The following TBCK variants were observed in gnomAD, a reference collection of about 807,000 sequenced individuals.
TBCK encodes TBC1 domain containing kinase, also known as TBC domain-containing protein kinase-like protein.
In TBCK, 99 loss-of-function variants were observed where a neutral mutation model predicts 113.4. That is an observed-to-expected ratio of 0.87 (90% CI 0.74 to 1.03). The LOEUF (loss-of-function observed/expected upper bound fraction) is 1.03. TBCK is among the 50% of genes least tolerant of loss of function. The pLI is 0.00. For missense variants in TBCK, 1,045 were observed against 1,061.3 expected (o/e 0.98, Z 0.21); for synonymous variants, 369 against 370.8 (o/e 1.00, Z 0.05).
At chr4:106,133,977 T>C (rs1473611038) in intron 23 of TBCK, among the ~76,000 whole-genome samples, 1 of 151,570 alleles carries the variant, frequency 6.6e-6, no homozygotes, top group Non-Finnish European at 1.5e-5. Flanking sequence ...GCCACTGCAC[T>C]CCAGCCTGGG....
At chr4:106,191,024 G>A (rs1753607897) in intron 22 of TBCK, among the ~76,000 whole-genome samples, 1 of 152,184 alleles carries the variant, frequency 6.6e-6, no homozygotes, top group Non-Finnish European at 1.5e-5. Flanking sequence ...TATGGGTTCT[G>A]CATCCATGGA....
intron 2 of TBCK, among the ~76,000 whole-genome samples, chr4:106,307,244 T>C (rs1767620518): frequency 6.6e-6 from 1 of 152,224 alleles, no homozygotes; most frequent in South Asian, 2.1e-4. Flanking sequence ...ATGAATTAAT[T>C]GTGAACCTTG....
chr4:106,059,412 T>C (rs1303677010), intron 25 of TBCK, among the ~76,000 whole-genome samples: 1 of 151,738 alleles, frequency 6.6e-6, no homozygotes, highest in African/African-American at 2.4e-5. Context: ...TAAGTTCCAT[T>C]CTAGTAATTA....
rs147238005 is a variant in TBCK at position 106,222,174 on chromosome 4, A to G, written c.1774+8189T>C. On this transcript the variant is annotated intron_variant, in intron 19 of 25. Transcript: ENST00000394708. ...TATTACAGTATAAAATCTATCTAAT[A>G]TAAATTTTCTTCATTTTATATTTGT... 4.6e-5 allele frequency among the ~76,000 whole-genome samples: 7 copies of G among 152,092 alleles called. 1 individual carries two copies. Among genetic ancestry groups the G allele is most frequent in the South Asian group, 4.1e-4 (2 of 4,832 alleles).
rs2149814129 is a variant in TBCK at position 106,193,723 on chromosome 4, G to A, written c.1945C>T (p.Leu649Phe). 1 of 1,608,476 alleles carries A rather than the reference G, an allele frequency of 6.2e-7. No individual in the cohort carries two copies. Among genetic ancestry groups the A allele is most frequent in the African/African-American group, 1.3e-5 (1 of 74,682 alleles). ...KIFHLWDTLL[L>F]GNSSFPFCIG... ...CAGAATGGGAAAGAGGAATTCCCAA[G>A]TAGTAAGGTATCCCAGAGGTGGAAA... Residue 649 changes from leucine (L) to phenylalanine (F), a missense_variant, in exon 22 of 26, where the codon CTT becomes TTT. Coordinates refer to ENST00000394708, the MANE Select transcript of TBCK (RefSeq NM_001163435.3).
intron 20 of TBCK, 40 bp from the exon 21 acceptor site, chr4:106,194,794 G>T (rs762814122): frequency 6.7e-7 from 1 of 1,503,372 alleles, no homozygotes; most frequent in Non-Finnish European, 9.0e-7. Context: ...GGATAAAAAG[G>T]AAATAAAAAA....
At chr4:106,115,791 T>C (rs918952277) in intron 24 of TBCK, among the ~76,000 whole-genome samples, 5 of 152,238 alleles carry the variant, frequency 3.3e-5, no homozygotes, top group African/African-American at 1.2e-4. Context: ...AGCCAGTGTT[T>C]TGAAAATTAT....
At position 106,124,952 on chromosome 4, in the gene TBCK, G is replaced by A. The variant is rs1040242804; in HGVS notation, c.2236-8574C>T. Among the ~76,000 whole-genome samples, 5 of 148,682 alleles carry A rather than the reference G, an allele frequency of 3.4e-5. No homozygotes were observed. The Admixed American group carries it at 3.4e-4, about 10-fold the overall frequency. On this transcript the variant is annotated intron_variant, in intron 23 of 25. Transcript: ENST00000394708. ...ACCAGCATGGCACATGTATACATAT[G>A]TAACTAACCTGCACAATGTGCACAT... is the stretch of plus-strand genomic sequence containing the variant.
intron 24 of TBCK, among the ~76,000 whole-genome samples, chr4:106,108,053 CAGAA>C (rs1488393477): frequency 6.6e-6 from 1 of 151,958 alleles, no homozygotes; most frequent in Non-Finnish European, 1.5e-5. Flanking sequence ...AAGACTGAGC[CAGAA>C]AGAAACTGAT....
intron 7 of TBCK, among the ~76,000 whole-genome samples, chr4:106,249,805 C>T (rs1226322750): frequency 6.6e-6 from 1 of 151,948 alleles, no homozygotes; most frequent in Non-Finnish European, 1.5e-5. Flanking sequence ...TAATACTTTC[C>T]TGTACATATT....
At chr4:106,297,520 T>C (rs758944960) in intron 2 of TBCK, among the ~76,000 whole-genome samples, 9 of 152,078 alleles carry the variant, frequency 5.9e-5, no homozygotes, top group African/African-American at 9.7e-5. Context: ...ACTACAACAA[T>C]CTTTTAACTG....
chr4:106,116,190 A>T lies in TBCK; in HGVS notation c.2411+13T>A, dbSNP rs746142551. On this transcript the variant is annotated intron_variant, in intron 24 of 25. Transcript: ENST00000394708. ...GCAGTACCACCCTTTAAAACAGCATATGCAAAGGATACTCTTCACTATTCC... is the reference window on the plus strand; with the variant it reads ...GCAGTACCACCCTTTAAAACAGCATTTGCAAAGGATACTCTTCACTATTCC... 6 of 1,613,458 alleles carry T rather than the reference A, an allele frequency of 3.7e-6. No individual in the cohort carries two copies. The highest frequency in any genetic ancestry group is 5.1e-6 in the Non-Finnish European group (6 of 1,179,540).
chr4:106,200,099 G>A (rs1315767559), intron 20 of TBCK, among the ~76,000 whole-genome samples: 4 of 152,128 alleles, frequency 2.6e-5, no homozygotes, highest in Non-Finnish European at 4.4e-5. Flanking sequence ...TGGTCTACTG[G>A]CTGCTCCTCC....
rs920804031 is a variant in TBCK at position 106,295,020 on chromosome 4, T to C, written c.266+74A>G. 26 of 1,230,310 alleles carry C rather than the reference T, an allele frequency of 2.1e-5. No homozygotes were observed. In the Admixed American group the frequency reaches 3.8e-4, roughly 18 times the overall value. 76.2% of individuals were successfully genotyped at this position (1,230,310 alleles called of 1,614,324 possible). ...CAAGTAACAAAAGAAACCAAACCCC[T>C]GCAGTTTAAACAAAATGCCTTTTTG... On this transcript the variant is annotated intron_variant, in intron 3 of 25. Transcript: ENST00000394708.
chr4:106,304,418 G>A (rs1171967593), intron 2 of TBCK, among the ~76,000 whole-genome samples: 2 of 152,076 alleles, frequency 1.3e-5, no homozygotes, highest in Non-Finnish European at 2.9e-5. Context: ...AGTCTCCATA[G>A]TTCATCTAGA....
chr4:106,216,854 C>T (rs1434291970), intron 19 of TBCK, among the ~76,000 whole-genome samples: 1 of 151,200 alleles, frequency 6.6e-6, no homozygotes, highest in Non-Finnish European at 1.5e-5. Context: ...GGAATCCTCC[C>T]TAACTCATTT....
At chr4:106,223,866 C>T (rs1391066961) in intron 19 of TBCK, among the ~76,000 whole-genome samples, 3 of 152,074 alleles carry the variant, frequency 2.0e-5, no homozygotes, top group African/African-American at 4.8e-5. Flanking sequence ...AAATGCTAAT[C>T]AACAGATTTC....
At chr4:106,047,345 C>T (rs1356751320) in intron 25 of TBCK, among the ~76,000 whole-genome samples, 1 of 152,174 alleles carries the variant, frequency 6.6e-6, no homozygotes, top group East Asian at 1.9e-4. Context: ...TTATTCTTTG[C>T]ACTTTATGAT....
chr4:106,273,512 TCCTCACC>T (rs1763718476), intron 3 of TBCK, among the ~76,000 whole-genome samples: 1 of 152,184 alleles, frequency 6.6e-6, no homozygotes, highest in South Asian at 2.1e-4. Context: ...TTTGTGCACA[TCCTCACC>T]CCTGGCACCT....
Sources: gnomAD v4.1 joint callset for allele counts (sites outside exome capture counted in the v4.1 genomes callset) on GRCh38, gnomAD v4.1.1 for gene constraint, MANE v1.5 for transcripts, NCBI Gene and HGNC (gene_info 2026-07-23, HGNC 2026-07-21) for gene names.